The following DAB1 variants were observed in gnomAD, a reference collection of about 807,000 sequenced individuals.
DAB1 encodes DAB adaptor protein 1, also known as disabled homolog 1.
A neutral mutation model predicts 64.6 loss-of-function variants in DAB1; 15 were observed. The observed-to-expected ratio is 0.23, with a 90% confidence interval of 0.16 to 0.36. The LOEUF (loss-of-function observed/expected upper bound fraction) is 0.36. DAB1 is among the 10% of genes least tolerant of loss of function. DAB1 has a pLI of 1.00. For missense variants in DAB1, 596 were observed against 706.7 expected, an observed-to-expected ratio of 0.84 and a Z score of 1.78; for synonymous variants, 235 against 251.9, an observed-to-expected ratio of 0.93 and a Z score of 0.64.
intron 7 of DAB1, among the ~76,000 whole-genome samples, chr1:57,551,890 T>C (rs1390696257): frequency 2.0e-5 from 3 of 152,168 alleles, no homozygotes; most frequent in South Asian, 2.1e-4. Flanking sequence ...CAGGGAGCCA[T>C]GTGCTAGGGT....
chr1:57,293,207 CTT>C lies in DAB1; in HGVS notation c.-136-2043_-136-2042del, dbSNP rs77800157. The stretch of plus-strand genomic sequence containing the variant: ...GTGCTGCTATCTTTCTATGGAATCT[CTT>C]GTCTCAAGTCTGCCTGGACATTCTA... On this transcript the variant is annotated intron_variant, in intron 1 of 14. Coordinates refer to ENST00000371236, the MANE Select transcript of DAB1 (RefSeq NM_001365792.1). Among the ~76,000 whole-genome samples, 1,236 of 152,260 alleles carry C rather than the reference CTT, an allele frequency of 8.1e-3. 29 individuals carry two copies. Among genetic ancestry groups the C allele is most frequent in the East Asian group, 0.079 (408 of 5,170 alleles).
intron 4 of DAB1, among the ~76,000 whole-genome samples, chr1:58,191,737 C>A (rs1423673385): frequency 6.6e-6 from 1 of 152,156 alleles, no homozygotes; most frequent in African/African-American, 2.4e-5. Context: ...GATCTGTATC[C>A]CCTTTGCCTC....
At chr1:57,468,937 C>A (rs1237182747) in intron 7 of DAB1, among the ~76,000 whole-genome samples, 2 of 152,192 alleles carry the variant, frequency 1.3e-5, no homozygotes, top group Non-Finnish European at 2.9e-5. Flanking sequence ...AAAATAAGGT[C>A]TCCTGCTCCT....
intron 5 of DAB1, among the ~76,000 whole-genome samples, chr1:57,909,286 A>G (rs913858780): frequency 6.6e-6 from 1 of 152,178 alleles, no homozygotes; most frequent in African/African-American, 2.4e-5. Context: ...AATGATCTTT[A>G]AGGTTTCTCC....
At chr1:57,253,675 T>G (rs1319556152) in intron 2 of DAB1, among the ~76,000 whole-genome samples, 5 of 152,186 alleles carry the variant, frequency 3.3e-5, no homozygotes, top group Non-Finnish European at 2.9e-5. Flanking sequence ...GCACTCTTAT[T>G]TCTATATTTC....
intron 5 of DAB1, among the ~76,000 whole-genome samples, chr1:58,056,913 C>T (rs1429804424): frequency 6.6e-6 from 1 of 151,852 alleles, no homozygotes; most frequent in African/African-American, 2.4e-5. Context: ...TCACCCACAC[C>T]GTCCATGTCT....
intron 5 of DAB1, among the ~76,000 whole-genome samples, chr1:57,992,936 A>C (rs1268032083): frequency 6.6e-6 from 1 of 152,116 alleles, no homozygotes; most frequent in Non-Finnish European, 1.5e-5. Flanking sequence ...ACCATATGCC[A>C]GGAGCTTACA....
chr1:58,358,741 A>G (rs1217155459), intron 3 of DAB1, among the ~76,000 whole-genome samples: 1 of 152,170 alleles, frequency 6.6e-6, no homozygotes, highest in African/African-American at 2.4e-5. Context: ...CATATATACC[A>G]GTCAAATCCT....
chr1:57,036,676 T>G (rs541728190), intron 9 of DAB1, among the ~76,000 whole-genome samples: 150 of 152,350 alleles, frequency 9.8e-4, no homozygotes, highest in African/African-American at 2.5e-3. Flanking sequence ...TACACAGTTT[T>G]GTATTCTTTT....
At position 57,452,189 on chromosome 1, in the gene DAB1, A is replaced by G. The variant is rs1375261967; in HGVS notation, n.626-161023T>C. 2.3e-4 allele frequency among the ~76,000 whole-genome samples: 6 copies of G among 25,616 alleles called. No individual in the cohort carries two copies. In the Admixed American group the frequency reaches 3.2e-3, roughly 13 times the overall value. The allele number at this position is 25,616 out of a possible 152,430, so 16.8% of individuals were successfully genotyped here. A position where few individuals can be genotyped will look rare whatever the true frequency, so the allele number is the denominator to read the frequency against. ...CCCTTTTTTTTTTTTTTTTTTTTTG[A>G]CATGGTCTTGCTCTCTCACCCAGGC... is the stretch of plus-strand genomic sequence containing the variant. On this transcript the variant is annotated intron_variant and non_coding_transcript_variant, in intron 7 of 20. Transcript: ENST00000485760.
intron 6 of DAB1, among the ~76,000 whole-genome samples, chr1:57,699,996 G>C (rs1043669406): frequency 6.6e-6 from 1 of 152,068 alleles, no homozygotes; most frequent in Admixed American, 6.6e-5. Flanking sequence ...CTTCTCCACT[G>C]TCTTCCTACT....
chr1:57,833,767 T>C (rs1485128015), intron 1 of DAB1, among the ~76,000 whole-genome samples: 2 of 152,164 alleles, frequency 1.3e-5, no homozygotes, highest in African/African-American at 4.8e-5. Context: ...CAAAACATCA[T>C]TTGGCATGGA....
intron 7 of DAB1, among the ~76,000 whole-genome samples, chr1:57,497,161 C>G (rs1644240269): frequency 6.6e-6 from 1 of 152,206 alleles, no homozygotes; most frequent in Non-Finnish European, 1.5e-5. Context: ...GCCTTTAGAC[C>G]CTAAACAAAA....
intron 1 of DAB1, among the ~76,000 whole-genome samples, chr1:57,352,263 T>A (rs1166060324): frequency 6.6e-6 from 1 of 152,134 alleles, no homozygotes; most frequent in Non-Finnish European, 1.5e-5. Context: ...CATCTGGAAA[T>A]GGGTACAAGA....
intron 3 of DAB1, among the ~76,000 whole-genome samples, chr1:58,490,594 C>G (rs1198181629): frequency 5.9e-5 from 9 of 151,940 alleles, no homozygotes; most frequent in African/African-American, 2.2e-4. Context: ...ACAGAGAATG[C>G]CACAAAGATA....
At chr1:57,163,084 T>C (rs1255731374) in intron 2 of DAB1, among the ~76,000 whole-genome samples, 1 of 152,164 alleles carries the variant, frequency 6.6e-6, no homozygotes, top group Non-Finnish European at 1.5e-5. Context: ...GCCCACTACG[T>C]GCCAAGCACT....
At chr1:57,122,303 T>A (rs2100756128) in intron 4 of DAB1, among the ~76,000 whole-genome samples, 1 of 152,248 alleles carries the variant, frequency 6.6e-6, no homozygotes, top group African/African-American at 2.4e-5. Context: ...GCTCAGTAAA[T>A]GTTTGATAGA....
At chr1:57,951,093 T>A (rs891147325) in intron 5 of DAB1, among the ~76,000 whole-genome samples, 1 of 152,070 alleles carries the variant, frequency 6.6e-6, no homozygotes, top group Non-Finnish European at 1.5e-5. Context: ...TGAGCTGCCA[T>A]GTTAACACAT....
intron 5 of DAB1, among the ~76,000 whole-genome samples, chr1:58,040,120 C>G (rs1184596716): frequency 6.6e-6 from 1 of 152,098 alleles, no homozygotes; most frequent in Non-Finnish European, 1.5e-5. Context: ...GAATTAATTT[C>G]CATTTTAGTA....
Sources: gnomAD v4.1 joint callset for allele counts (sites outside exome capture counted in the v4.1 genomes callset) on GRCh38, gnomAD v4.1.1 for gene constraint, MANE v1.5 for transcripts, NCBI Gene and HGNC (gene_info 2026-07-23, HGNC 2026-07-21) for gene names.